The following PCDH15 variants were observed in gnomAD, a reference collection of about 807,000 sequenced individuals.
PCDH15 encodes the protein protocadherin related 15.
Under a neutral mutation model 178.5 loss-of-function variants are expected in PCDH15, and 129 were observed. That is an observed-to-expected ratio of 0.72 (90% CI 0.63 to 0.84). The LOEUF (loss-of-function observed/expected upper bound fraction) is 0.84. Among genes scored for constraint, PCDH15 ranks in the 40% least tolerant of loss-of-function variants. The pLI, the probability that PCDH15 is intolerant of heterozygous loss-of-function variation, is 0.00. For synonymous variants in PCDH15, 800 were observed against 732.0 expected (o/e 1.09, Z -1.50); for missense variants, 2,230 against 2,099.9 (o/e 1.06, Z -1.21).
At chr10:55,030,751 G>A (rs985152402) in intron 2 of PCDH15, among the ~76,000 whole-genome samples, 5 of 151,994 alleles carry the variant, frequency 3.3e-5, no homozygotes, top group Admixed American at 6.6e-5. Flanking sequence ...GAATTTTCAC[G>A]AATAGAAAAA....
intron 2 of PCDH15, among the ~76,000 whole-genome samples, chr10:54,586,990 G>A (rs936491574): frequency 2.0e-5 from 3 of 151,986 alleles, no homozygotes; most frequent in African/African-American, 7.3e-5. Context: ...TTAAGGAGAT[G>A]AAAAAGTCTG....
chr10:53,919,182 T>C (rs964231028), intron 25 of PCDH15, among the ~76,000 whole-genome samples: 3 of 152,150 alleles, frequency 2.0e-5, no homozygotes, highest in African/African-American at 7.2e-5. Context: ...CCTTATCTTA[T>C]GTAAATTAAT....
chr10:54,521,369 G>T (rs1325400276), intron 3 of PCDH15, among the ~76,000 whole-genome samples: 4 of 152,032 alleles, frequency 2.6e-5, no homozygotes, highest in Non-Finnish European at 4.4e-5. Flanking sequence ...GATGCTATTT[G>T]CTATTTTCTC....
intron 2 of PCDH15, among the ~76,000 whole-genome samples, chr10:55,054,764 A>G (rs574770548): frequency 6.6e-6 from 1 of 152,294 alleles, no homozygotes; most frequent in South Asian, 2.1e-4. Context: ...TCTAGTGATC[A>G]GTGATGTTGA....
rs55917688 is a variant in PCDH15 at position 53,913,578 on chromosome 10, CAA to C, written c.3374-10210_3374-10209del. On this transcript the variant is annotated intron_variant, in intron 25 of 37. Transcript: ENST00000644397. ...GAAATCCCGTCTCCACTAAAAGATA[CAA>C]AAAAAAAAAAAAAATTAGCTGGGCA... 5.3e-3 allele frequency among the ~76,000 whole-genome samples: 759 copies of C among 142,514 alleles called. 7 individuals are homozygous for C. Among genetic ancestry groups the C allele is most frequent in the African/African-American group, 0.016 (607 of 38,550 alleles). 93.5% of individuals were successfully genotyped at this position (142,514 alleles called of 152,430 possible).
At chr10:55,089,138 G>A (rs1487187371) in intron 2 of PCDH15, among the ~76,000 whole-genome samples, 1 of 152,036 alleles carries the variant, frequency 6.6e-6, no homozygotes, top group African/African-American at 2.4e-5. Flanking sequence ...TTTTTAAATT[G>A]TCCAGTAGTT....
intron 2 of PCDH15, among the ~76,000 whole-genome samples, chr10:54,555,294 T>C (rs2087067586): frequency 6.6e-6 from 1 of 152,192 alleles, no homozygotes; most frequent in South Asian, 2.1e-4. Flanking sequence ...TGTATCACTC[T>C]ATAGCTTTTG....
Position 54,809,464 on chromosome 10 carries a change from A to G in PCDH15, c.-29+87986T>C, listed in dbSNP as rs537990269. Among the ~76,000 whole-genome samples the G allele has an allele frequency of 3.3e-5, 5 of 152,282 alleles. 1 individual carries two copies. Among genetic ancestry groups the G allele is most frequent in the African/African-American group, 1.2e-4 (5 of 41,574 alleles). On this transcript the variant is annotated intron_variant, in intron 3 of 5. Transcript: ENST00000458638. ...TAGCATTTTTATGTTAAATGCCAAC[A>G]TAGTAAGAAATTACAAGTTTGGCAA...
intron 2 of PCDH15, among the ~76,000 whole-genome samples, chr10:55,438,343 G>A (rs1024106269): frequency 1.3e-5 from 2 of 151,954 alleles, no homozygotes; most frequent in African/African-American, 4.8e-5. Context: ...ATAAAGGATT[G>A]AAAATAACAT....
At chr10:54,211,769 T>C (rs2051466606) in intron 10 of PCDH15, among the ~76,000 whole-genome samples, 1 of 151,720 alleles carries the variant, frequency 6.6e-6, no homozygotes, top group Admixed American at 6.6e-5. Context: ...AGAGAAGAAA[T>C]TGAAAGATTT....
At chr10:55,111,159 G>T (rs1040517786) in intron 2 of PCDH15, among the ~76,000 whole-genome samples, 1 of 152,094 alleles carries the variant, frequency 6.6e-6, no homozygotes, top group East Asian at 1.9e-4. Context: ...AGCTCTGTAG[G>T]TTGGTAATAT....
chr10:55,519,735 T>A (rs1054301071), intron 2 of PCDH15, among the ~76,000 whole-genome samples: 1 of 129,246 alleles, frequency 7.7e-6, no homozygotes, highest in Non-Finnish European at 1.7e-5. Context: ...ATTATGTGTA[T>A]CTTTTTTTTT....
At chr10:53,837,766 C>T (rs963507399) in intron 29 of PCDH15, among the ~76,000 whole-genome samples, 5 of 151,750 alleles carry the variant, frequency 3.3e-5, no homozygotes, top group African/African-American at 7.3e-5. Context: ...CACACACACA[C>T]ACATACACAC....
chr10:54,597,566 C>A (rs761832128), intron 2 of PCDH15, among the ~76,000 whole-genome samples: 4 of 151,468 alleles, frequency 2.6e-5, no homozygotes, highest in Admixed American at 6.6e-5. Context: ...ACAACAACAA[C>A]AACAAAATAA....
At chr10:54,648,639 A>T (rs558325644) in intron 2 of PCDH15, among the ~76,000 whole-genome samples, 1 of 152,264 alleles carries the variant, frequency 6.6e-6, no homozygotes, top group East Asian at 1.9e-4. Context: ...TATGGTATAA[A>T]TACAGAGAAG....
intron 2 of PCDH15, among the ~76,000 whole-genome samples, chr10:55,554,908 G>A (rs1276960181): frequency 4.6e-5 from 7 of 151,866 alleles, no homozygotes; most frequent in Admixed American, 2.6e-4. Flanking sequence ...AGGCATACTG[G>A]CCAGGTATGT....
chr10:54,727,208 A>G (rs149174746), intron 1 of PCDH15, among the ~76,000 whole-genome samples: 18,368 of 151,078 alleles, frequency 0.12, 1,234 homozygotes, highest in African/African-American at 0.17. Flanking sequence ...AGCAATTCTC[A>G]ACAAATTAAA....
intron 2 of PCDH15, among the ~76,000 whole-genome samples, chr10:54,608,460 AATT>A (rs1326386765): frequency 6.6e-6 from 1 of 151,830 alleles, no homozygotes; most frequent in Non-Finnish European, 1.5e-5. Flanking sequence ...TAATAATAAT[AATT>A]ATCTGGGTGT....
intron 8 of PCDH15, among the ~76,000 whole-genome samples, chr10:54,275,937 A>G (rs1407355564): frequency 2.0e-5 from 3 of 151,838 alleles, no homozygotes; most frequent in African/African-American, 7.2e-5. Flanking sequence ...TCAGACAATT[A>G]ATTATTTATG....
Sources: gnomAD v4.1 joint callset for allele counts (sites outside exome capture counted in the v4.1 genomes callset) on GRCh38, gnomAD v4.1.1 for gene constraint, MANE v1.5 for transcripts, NCBI Gene and HGNC (gene_info 2026-07-23, HGNC 2026-07-21) for gene names.